Variants in RAB3IP observed in about 807,000 individuals in gnomAD.
RAB3IP encodes the protein RAB3A interacting protein.
A neutral mutation model predicts 59.1 loss-of-function variants in RAB3IP; 36 were observed. That is an observed-to-expected ratio of 0.61 (90% CI 0.47 to 0.80). The LOEUF (loss-of-function observed/expected upper bound fraction) is 0.80. RAB3IP is among the 30% of genes least tolerant of loss of function. RAB3IP has a pLI of 0.00. For synonymous variants in RAB3IP, 207 were observed against 191.2 expected, an observed-to-expected ratio of 1.08 and a Z score of -0.68; for missense variants, 511 against 536.0, an observed-to-expected ratio of 0.95 and a Z score of 0.46.
chr12:69,780,467 G>A lies in RAB3IP; in HGVS notation c.511-4253G>A, dbSNP rs78807559. ...CAAACCCACCAGGGTAGCCCAGGCA[G>A]GCAAGCTTCCCCTAGAAGCTCCCTG... On this transcript the variant is annotated intron_variant, in intron 3 of 10. Coordinates refer to ENST00000247833, the MANE Select transcript of RAB3IP (RefSeq NM_022456.5). 4.1e-4 allele frequency among the ~76,000 whole-genome samples: 63 copies of A among 152,326 alleles called. No homozygotes were observed. In the East Asian group the frequency reaches 8.1e-3, roughly 20 times the overall value.
chr12:69,802,740 G>A (rs1013842187), intron 8 of RAB3IP, among the ~76,000 whole-genome samples: 1 of 152,186 alleles, frequency 6.6e-6, no homozygotes, highest in Non-Finnish European at 1.5e-5. Context: ...TAAAGCTGTT[G>A]TAGGAATTGT....
intron 3 of RAB3IP, among the ~76,000 whole-genome samples, chr12:69,782,500 T>C (rs777414354): frequency 1.3e-5 from 2 of 152,220 alleles, no homozygotes; most frequent in Non-Finnish European, 2.9e-5. Context: ...TAATAAGATA[T>C]GATGTTGATC....
intron 4 of RAB3IP, 50 bp from the exon 5 acceptor site, chr12:69,794,387 G>A (rs774562915): frequency 6.7e-7 from 1 of 1,499,674 alleles, no homozygotes; most frequent in South Asian, 1.2e-5. Context: ...AGAACTTTTT[G>A]AAAACAAATG....
intron 8 of RAB3IP, among the ~76,000 whole-genome samples, chr12:69,806,570 G>GTTTTTTTTTTTTTTTTTTTTTT (rs35262716): frequency 8.8e-5 from 6 of 68,488 alleles, no homozygotes; most frequent in Admixed American, 1.8e-4. Context: ...TGCTTCTCTA[G>GTTTTTTTTTTTTTTTTTTTTTT]TTTTTTTTTT....
intron 8 of RAB3IP, chr12:69,812,575 C>G: frequency 5.8e-6 from 3 of 516,964 alleles, no homozygotes; most frequent in Non-Finnish European, 1.0e-5. Context: ...TGGCATTAAA[C>G]TTATACTACT....
intron 8 of RAB3IP, among the ~76,000 whole-genome samples, chr12:69,803,421 G>C (rs1007419789): frequency 6.6e-6 from 1 of 152,004 alleles, no homozygotes; most frequent in Non-Finnish European, 1.5e-5. Context: ...TTTTGAGGAA[G>C]ACAAGATCAT....
At chr12:69,814,878 A>AC (rs1434307634) in intron 10 of RAB3IP, among the ~76,000 whole-genome samples, 2 of 152,196 alleles carry the variant, frequency 1.3e-5, no homozygotes, top group African/African-American at 2.4e-5. Context: ...TGAGCCATAC[A>AC]CAAAACCTTT....
At chr12:69,806,105 C>T (rs1036211785) in intron 8 of RAB3IP, among the ~76,000 whole-genome samples, 8 of 152,126 alleles carry the variant, frequency 5.3e-5, no homozygotes, top group South Asian at 2.1e-4. Flanking sequence ...TGGTAGAATT[C>T]GGCTGTGAAT....
chr12:69,747,293 CGTGTGTGTGTGTGTGTGTGT>C (rs111438084), intron 1 of RAB3IP, among the ~76,000 whole-genome samples: 2 of 137,708 alleles, frequency 1.5e-5, no homozygotes, highest in Non-Finnish European at 3.1e-5. Flanking sequence ...CTTGCCCTTT[CGTGTGTGTGTGTGTGTGTGT>C]GTGTGTGTGT....
chr12:69,784,925 A>G (rs184397428), intron 4 of RAB3IP, 110 bp downstream of exon 4: 4 of 568,564 alleles, frequency 7.0e-6, no homozygotes, highest in East Asian at 6.4e-5. Flanking sequence ...ATGTATATTT[A>G]TAAGTCCTCT....
intron 4 of RAB3IP, among the ~76,000 whole-genome samples, chr12:69,793,006 T>C (rs1257185349): frequency 6.6e-6 from 1 of 152,232 alleles, no homozygotes; most frequent in Non-Finnish European, 1.5e-5. Context: ...ATGTTACTTA[T>C]CTTGAAGGGT....
chr12:69,803,795 A>G (rs1878778992), intron 8 of RAB3IP, among the ~76,000 whole-genome samples: 1 of 152,168 alleles, frequency 6.6e-6, no homozygotes, highest in Non-Finnish European at 1.5e-5. Context: ...GATGGTTTCC[A>G]GCTTCATCCA....
At chr12:69,780,195 G>A (rs1874443254) in intron 3 of RAB3IP, among the ~76,000 whole-genome samples, 1 of 152,190 alleles carries the variant, frequency 6.6e-6, no homozygotes, top group Admixed American at 6.5e-5. Context: ...CATTTGCTTA[G>A]ACAGATGCAT....
At chr12:69,805,258 G>A (rs1232422177) in intron 8 of RAB3IP, among the ~76,000 whole-genome samples, 13 of 151,986 alleles carry the variant, frequency 8.6e-5, no homozygotes, top group East Asian at 3.9e-4. Flanking sequence ...CTTTGAAGCA[G>A]TTGTGAATGG....
At position 69,784,723 on chromosome 12, in the gene RAB3IP, C is replaced by T. The variant is rs1421949596; in HGVS notation, c.514C>T (p.Leu172=). 6.3e-7 allele frequency: 1 copy of T among 1,589,892 alleles called. No homozygotes were observed. The highest frequency in any genetic ancestry group is 1.3e-5 in the African/African-American group (1 of 74,254). The change falls in exon 4 of 11, where the codon CTG becomes TTG. Residue 172 remains leucine (L), a synonymous_variant. Coordinates refer to ENST00000247833, the MANE Select transcript of RAB3IP (RefSeq NM_022456.5). Reference sequence around the variant, plus strand: ...TAAAATTATCAATTTCTCTTAGGAACTGAAGTTAAAAGATGAAGAATGTGA... The same window carrying T: ...TAAAATTATCAATTTCTCTTAGGAATTGAAGTTAAAAGATGAAGAATGTGA... The part of the protein sequence containing the change: ...KEELAKAQRE[L]KLKDEECERL...
intron 4 of RAB3IP, among the ~76,000 whole-genome samples, chr12:69,793,378 C>T (rs565442750): frequency 1.1e-4 from 17 of 152,296 alleles, no homozygotes; most frequent in African/African-American, 3.8e-4. Context: ...AAAGAACTTC[C>T]ACCTTTCCAT....
chr12:69,762,464 T>TA (rs1287261123), intron 3 of RAB3IP, among the ~76,000 whole-genome samples: 2 of 152,128 alleles, frequency 1.3e-5, no homozygotes, highest in Non-Finnish European at 2.9e-5. Flanking sequence ...TTATTTTTCT[T>TA]AAAAGAAAAT....
intron 3 of RAB3IP, among the ~76,000 whole-genome samples, chr12:69,782,067 T>C (rs916903138): frequency 8.5e-5 from 13 of 152,230 alleles, no homozygotes; most frequent in African/African-American, 3.1e-4. Context: ...CTTTGGGGGA[T>C]TAAAAAACTA....
At chr12:69,797,210 G>C (rs1877565025) in intron 6 of RAB3IP, among the ~76,000 whole-genome samples, 1 of 152,168 alleles carries the variant, frequency 6.6e-6, no homozygotes, top group Admixed American at 6.5e-5. Flanking sequence ...AGACATACAT[G>C]CCCAGTGCAA....
Sources: allele counts gnomAD v4.1 joint callset (sites outside exome capture counted in the v4.1 genomes callset), GRCh38; gene constraint gnomAD v4.1.1; transcripts MANE v1.5; gene names NCBI Gene and HGNC (gene_info 2026-07-23, HGNC 2026-07-21).